Variants in KCTD9 observed in about 807,000 individuals in gnomAD.
KCTD9 encodes the protein BTB/POZ domain-containing protein KCTD9.
KCTD9 carries 17 observed loss-of-function variants against 53.3 expected under a neutral mutation model. The ratio of observed to expected loss-of-function variants is 0.32; its 90% CI spans 0.22 to 0.48. The LOEUF is 0.48. Ranked by LOEUF, KCTD9 falls within the 20% of genes least tolerant of loss-of-function variation. The probability of loss-of-function intolerance (pLI) is 0.99; values close to 1 mark genes in which losing one functional copy is unlikely to be tolerated. For missense variants in KCTD9, 179 were observed against 465.5 expected (o/e 0.38, Z 5.66); for synonymous variants, 128 against 162.7 (o/e 0.79, Z 1.62).
chr8:25,452,247 T>C (rs1460170028), intron 1 of KCTD9, among the ~76,000 whole-genome samples: 1 of 152,048 alleles, frequency 6.6e-6, no homozygotes. Flanking sequence ...AACTCTAAGG[T>C]GAAAAAAGAA....
chr8:25,453,505 T>C (rs1016520831), intron 1 of KCTD9, among the ~76,000 whole-genome samples: 1 of 151,150 alleles, frequency 6.6e-6, no homozygotes, highest in Non-Finnish European at 1.5e-5. Flanking sequence ...AACACAAAAA[T>C]AGCCAGGTAT....
chr8:25,440,723 G>A (rs570945042), intron 3 of KCTD9, 50 bp from the exon 4 acceptor site: 8 of 1,286,336 alleles, frequency 6.2e-6, no homozygotes, highest in South Asian at 5.9e-5. Flanking sequence ...TGGGGATTCT[G>A]GGAAGATGGT....
intron 1 of KCTD9, among the ~76,000 whole-genome samples, chr8:25,455,068 T>C (rs1243528613): frequency 6.6e-6 from 1 of 151,680 alleles, no homozygotes; most frequent in Non-Finnish European, 1.5e-5. Flanking sequence ...CTACTAAAAA[T>C]ACAAAAATTA....
At chr8:25,457,354 A>C in intron 1 of KCTD9, 1 of 985,164 alleles carries the variant, frequency 1.0e-6, no homozygotes, top group Non-Finnish European at 1.2e-6. Flanking sequence ...AACGCAATAA[A>C]TGTCTGCCTC....
intron 1 of KCTD9, among the ~76,000 whole-genome samples, chr8:25,452,808 G>C (rs1239776685): frequency 6.6e-6 from 1 of 152,202 alleles, no homozygotes; most frequent in Non-Finnish European, 1.5e-5. Flanking sequence ...TAATAAAGCA[G>C]TAAAAATGAA....
In KCTD9 at chr8:25,458,152, C is replaced by T. The variant is rs371547086; in HGVS notation, c.48+47G>A. The stretch of plus-strand genomic sequence containing the variant: ...CGCCAGCCGGTTCCGCACCGTCCGC[C>T]CTCGCCCCGACCCCCGGCCCGCCGC... On this transcript the variant is annotated intron_variant, in intron 1 of 11. Transcript: ENST00000221200. 1,736 of 1,512,658 alleles carry T rather than the reference C, an allele frequency of 1.1e-3. 4 individuals carry two copies. Among genetic ancestry groups the T allele is most frequent in the Non-Finnish European group, 1.3e-3 (1,475 of 1,109,022 alleles). The allele number at this position is 1,512,658 out of a possible 1,614,324, so 93.7% of individuals were successfully genotyped here.
At chr8:25,456,106 C>CCT (rs1303267768) in intron 1 of KCTD9, among the ~76,000 whole-genome samples, 3 of 152,158 alleles carry the variant, frequency 2.0e-5, no homozygotes, top group African/African-American at 7.2e-5. Context: ...GAATTCTGTG[C>CCT]CTCTCCACGC....
At position 25,458,277 on chromosome 8, in the gene KCTD9, C is replaced by A; in HGVS notation, c.-31G>T. ...TGCCCCCGCTGGGTCCTGAGTGAGCCGCCACCCTCCCACCTGGTCCTCCTC... is the reference window on the plus strand; with the variant it reads ...TGCCCCCGCTGGGTCCTGAGTGAGCAGCCACCCTCCCACCTGGTCCTCCTC... On this transcript the variant is annotated 5_prime_UTR_variant, in exon 1 of 12. Coordinates refer to ENST00000221200, the MANE Select transcript of KCTD9 (RefSeq NM_017634.4). 1 of 1,609,374 alleles carries A rather than the reference C, an allele frequency of 6.2e-7. No individual in the cohort carries two copies. Among genetic ancestry groups the A allele is most frequent in the East Asian group, 2.2e-5 (1 of 44,790 alleles).
At chr8:25,441,421 G>T (rs1456267412) in intron 3 of KCTD9, among the ~76,000 whole-genome samples, 1 of 152,024 alleles carries the variant, frequency 6.6e-6, no homozygotes, top group Non-Finnish European at 1.5e-5. Context: ...AATAATAATT[G>T]TCCTTATAGA....
At position 25,429,799 on chromosome 8, in the gene KCTD9, G is replaced by A; in HGVS notation, c.*58C>T. The A allele has an allele frequency of 1.2e-6, 1 of 867,252 alleles. No homozygotes were observed. The allele number at this position is 867,252 out of a possible 1,614,324, so 53.7% of individuals were successfully genotyped here. The stretch of plus-strand genomic sequence containing the variant: ...CTAGACAACTGAGTGGGTGGAGAAA[G>A]AAAAGTGATAAGGAAAACATTTTCA... On this transcript the variant is annotated 3_prime_UTR_variant, in exon 12 of 12. Transcript: ENST00000221200.
chr8:25,439,731 A>C, intron 4 of KCTD9, 67 bp from the exon 5 acceptor site: 1 of 1,609,072 alleles, frequency 6.2e-7, no homozygotes. Flanking sequence ...TTAAGTCAAG[A>C]GTATACTCGA....
intron 4 of KCTD9, among the ~76,000 whole-genome samples, chr8:25,440,059 G>GTTTT (rs59794332): frequency 7.6e-6 from 1 of 131,862 alleles, no homozygotes; most frequent in African/African-American, 2.8e-5. Context: ...TAAAAAGCAT[G>GTTTT]TTTTTTTTTT....
At chr8:25,456,638 A>G (rs953859950) in intron 1 of KCTD9, among the ~76,000 whole-genome samples, 1 of 152,182 alleles carries the variant, frequency 6.6e-6, no homozygotes, top group African/African-American at 2.4e-5. Flanking sequence ...CTAGCAGAAT[A>G]TTTTTAAAGT....
chr8:25,448,060 C>G (rs1220319210), intron 1 of KCTD9, among the ~76,000 whole-genome samples: 1 of 151,584 alleles, frequency 6.6e-6, no homozygotes, highest in South Asian at 2.1e-4. Flanking sequence ...CCTGCCAATT[C>G]AAGGCTGCAG....
chr8:25,435,136 A>G (rs965539308), intron 9 of KCTD9, among the ~76,000 whole-genome samples: 27 of 152,196 alleles, frequency 1.8e-4, no homozygotes, highest in Admixed American at 1.7e-3. Flanking sequence ...TTAATTTCTT[A>G]TTAGTTACTA....
At position 25,436,484 on chromosome 8, in the gene KCTD9, A is replaced by G. The variant is rs753356297; in HGVS notation, c.501T>C (p.Gly167=). Reference sequence around the variant, plus strand: ...CAAAAAATCTTGCTTCTTCTAACACACCTATCAGAACAAAAATAATTCTGA... The same window carrying G: ...CAAAAAATCTTGCTTCTTCTAACACGCCTATCAGAACAAAAATAATTCTGA... The part of the protein sequence containing the change: ...LIVNDGINLL[G]VLEEARFFGI... The change falls in exon 7 of 12, where the codon GGT becomes GGC. Residue 167 remains glycine (G), a splice_region_variant and synonymous_variant. Transcript: ENST00000221200. The G allele has an allele frequency of 2.6e-6, 4 of 1,544,758 alleles. No homozygotes were observed. The highest frequency in any genetic ancestry group is 3.5e-6 in the Non-Finnish European group (4 of 1,147,530).
chr8:25,457,220 T>A (rs374391720), intron 1 of KCTD9: 8 of 274,552 alleles, frequency 2.9e-5, no homozygotes, highest in African/African-American at 1.8e-4. Flanking sequence ...ATTTCACTAT[T>A]TAAAAATTTA....
chr8:25,430,254 CAG>C (rs1258612971), intron 11 of KCTD9, among the ~76,000 whole-genome samples: 2 of 152,042 alleles, frequency 1.3e-5, no homozygotes, highest in Admixed American at 6.5e-5. Flanking sequence ...ACATTGAAAA[CAG>C]GGGTCCCCAA....
chr8:25,453,633 G>A (rs1421819484), intron 1 of KCTD9, among the ~76,000 whole-genome samples: 14 of 145,686 alleles, frequency 9.6e-5, no homozygotes, highest in African/African-American at 3.6e-4. Flanking sequence ...CAACCTGGGC[G>A]ACAGAGTGAG....
Sources: gnomAD v4.1 joint callset for allele counts (sites outside exome capture counted in the v4.1 genomes callset) on GRCh38, gnomAD v4.1.1 for gene constraint, MANE v1.5 for transcripts, NCBI Gene and HGNC (gene_info 2026-07-23, HGNC 2026-07-21) for gene names.